The following AGAP1 variants were observed in gnomAD, a reference collection of about 807,000 sequenced individuals.
AGAP1 encodes the protein ArfGAP with GTPase domain, ankyrin repeat and PH domain 1.
In AGAP1, 29 loss-of-function variants were observed where a neutral mutation model predicts 105.3. That is an observed-to-expected ratio of 0.28 (90% confidence interval 0.21 to 0.38). The LOEUF is 0.38. Among genes scored for constraint, AGAP1 ranks in the 10% least tolerant of loss-of-function variants. AGAP1 has a pLI of 1.00. For synonymous variants in AGAP1, 509 were observed against 485.9 expected (o/e 1.05, Z -0.63); for missense variants, 998 against 1,165.1 (o/e 0.86, Z 2.09).
chr2:235,582,081 T>C lies in AGAP1; in HGVS notation c.163+87232T>C, dbSNP rs1275367012. Among the ~76,000 whole-genome samples, 2 of 152,190 alleles carry C rather than the reference T, an allele frequency of 1.3e-5. No homozygotes were observed. Among genetic ancestry groups the C allele is most frequent in the African/African-American group, 2.4e-5 (1 of 41,446 alleles). On this transcript the variant is annotated intron_variant, in intron 1 of 17. Transcript: ENST00000304032. This position sits in a 1 kb window ranked among gnomAD's most constrained non-coding sequence, Gnocchi z 4.7. ...TTCCTTCCATCCAGGGAAGACGTGA[T>C]TGCAGCAGGCAGGAGTTGATAGTGA... is the stretch of plus-strand genomic sequence containing the variant.
intron 16 of AGAP1, among the ~76,000 whole-genome samples, chr2:236,081,964 TG>T (rs1273871035): frequency 6.6e-6 from 1 of 152,168 alleles, no homozygotes; most frequent in Non-Finnish European, 1.5e-5. Context: ...GTTCCATGCA[TG>T]GGAAGTCAAA....
intron 13 of AGAP1, among the ~76,000 whole-genome samples, chr2:235,996,579 G>T (rs1186092556): frequency 6.6e-6 from 1 of 152,192 alleles, no homozygotes; most frequent in Non-Finnish European, 1.5e-5. Flanking sequence ...TGACCTGGCG[G>T]TAGAGCCAGC....
Position 235,801,370 on chromosome 2 carries a change from G to A in AGAP1, c.957+1848G>A, listed in dbSNP as rs1957486629. Among the ~76,000 whole-genome samples the A allele has an allele frequency of 6.6e-6, 1 of 152,178 alleles. No homozygotes were observed. Among genetic ancestry groups the A allele is most frequent in the Admixed American group, 6.5e-5 (1 of 15,284 alleles). On this transcript the variant is annotated intron_variant, in intron 8 of 17. Coordinates refer to ENST00000304032, the MANE Select transcript of AGAP1 (RefSeq NM_001037131.3). The surrounding 1 kb of genome is among the most constrained non-coding windows in gnomAD (Gnocchi z 6.0). ...TCCATGGTTTTCTCACTCCATTGAT[G>A]CTATAAAATGATTTCTGATCGTGTT...
intron 9 of AGAP1, chr2:235,853,233 T>G: frequency 9.9e-7 from 1 of 1,012,194 alleles, no homozygotes; most frequent in Middle Eastern, 4.8e-4. Flanking sequence ...TTTTATAGAC[T>G]GGATGAGAGA....
chr2:235,866,048 T>A lies in AGAP1; in HGVS notation c.1051-17297T>A, dbSNP rs916349013. 1.3e-5 allele frequency among the ~76,000 whole-genome samples: 2 copies of A among 152,246 alleles called. No homozygotes were observed. The highest frequency in any genetic ancestry group is 2.9e-5 in the Non-Finnish European group (2 of 68,044). On this transcript the variant is annotated intron_variant, in intron 9 of 17. Transcript: ENST00000304032. This position sits in a 1 kb window ranked among gnomAD's most constrained non-coding sequence, Gnocchi z 6.1. ...TGCGGTCTGGTCATTTTTGCCACAC[T>A]TGATTTTTTTCTGCTAAACCCTACG...
At chr2:235,606,085 T>TAA (rs1319880685) in intron 1 of AGAP1, among the ~76,000 whole-genome samples, 11 of 152,232 alleles carry the variant, frequency 7.2e-5, no homozygotes, top group African/African-American at 2.7e-4. Flanking sequence ...GAAGAGTTCT[T>TAA]GTAAACAGTG....
At position 236,089,680 on chromosome 2, in the gene AGAP1, G is replaced by A. The variant is rs556523259; in HGVS notation, c.2115-30512G>A. Among the ~76,000 whole-genome samples the A allele has an allele frequency of 2.0e-5, 3 of 152,194 alleles. No individual in the cohort carries two copies. In the East Asian group the frequency reaches 5.8e-4, roughly 29 times the overall value. On this transcript the variant is annotated intron_variant, in intron 16 of 17. Transcript: ENST00000304032. The surrounding 1 kb of genome is among the most constrained non-coding windows in gnomAD (Gnocchi z 5.6). ...TCTGCAAATTTCTGATTCCTGTACA[G>A]TCAGCATTAATATGCTGCTTTTCAG...
chr2:235,583,316 C>G (rs1944994681), intron 1 of AGAP1, among the ~76,000 whole-genome samples: 1 of 150,386 alleles, frequency 6.6e-6, no homozygotes, highest in Non-Finnish European at 1.5e-5. Context: ...TACTCAGCCT[C>G]TCATGTAACT....
At chr2:235,835,388 C>T (rs1471346149) in intron 9 of AGAP1, among the ~76,000 whole-genome samples, 1 of 152,226 alleles carries the variant, frequency 6.6e-6, no homozygotes, top group Non-Finnish European at 1.5e-5. Context: ...GCTGCCACAC[C>T]TGGCAGAGAG....
rs1947735418 is a variant in AGAP1, at chr2:235,655,229, CGTT to C, written c.164-53947_164-53945del. On this transcript the variant is annotated intron_variant, in intron 1 of 17. Coordinates refer to ENST00000304032, the MANE Select transcript of AGAP1 (RefSeq NM_001037131.3). This position sits in a 1 kb window ranked among gnomAD's most constrained non-coding sequence, Gnocchi z 4.3. Reference sequence around the variant, plus strand: ...TACAGAAGCTGGAAGGTAGACAGGTCGTTGTCTCCATTTTTGTTCTTTAAAGCA... The same window carrying C: ...TACAGAAGCTGGAAGGTAGACAGGTCGTCTCCATTTTTGTTCTTTAAAGCA... 6.6e-6 allele frequency among the ~76,000 whole-genome samples: 1 copy of C among 152,108 alleles called. No individual in the cohort carries two copies. Among genetic ancestry groups the C allele is most frequent in the African/African-American group, 2.4e-5 (1 of 41,422 alleles).
chr2:235,575,566 C>T lies in AGAP1; in HGVS notation c.163+80717C>T, dbSNP rs541731103. ...TCAGATACCCGTTTGTCCTGTTGCTCTGCCTCCTCCGTGAGCTGTGCTCAC... is the reference window on the plus strand; with the variant it reads ...TCAGATACCCGTTTGTCCTGTTGCTTTGCCTCCTCCGTGAGCTGTGCTCAC... On this transcript the variant is annotated intron_variant, in intron 1 of 17. Transcript: ENST00000304032. Among the ~76,000 whole-genome samples the T allele has an allele frequency of 1.3e-3, 201 of 150,330 alleles. 1 individual carries two copies. Among genetic ancestry groups the T allele is most frequent in the Non-Finnish European group, 1.4e-3 (98 of 68,034 alleles).
At chr2:236,071,485 T>A (rs1455051227) in intron 16 of AGAP1, among the ~76,000 whole-genome samples, 1 of 152,166 alleles carries the variant, frequency 6.6e-6, no homozygotes, top group Non-Finnish European at 1.5e-5. Flanking sequence ...GAACATTTAT[T>A]TGTTCAACAG....
intron 1 of AGAP1, chr2:235,670,956 G>C: frequency 1.5e-6 from 2 of 1,311,640 alleles, no homozygotes; most frequent in Non-Finnish European, 1.9e-6. Context: ...CCCTCGCCAC[G>C]GAGCGGAGCC....
chr2:235,669,795 C>G (rs928707131), intron 1 of AGAP1: 2 of 148,002 alleles, frequency 1.4e-5, no homozygotes, highest in Non-Finnish European at 3.0e-5. Flanking sequence ...GCGCCGCCGC[C>G]TGCCCTGGGC....
chr2:235,497,975 C>G (rs887624473), intron 1 of AGAP1, among the ~76,000 whole-genome samples: 4 of 152,114 alleles, frequency 2.6e-5, no homozygotes, highest in Non-Finnish European at 5.9e-5. Context: ...TTGGCTGCAC[C>G]CTACTCAAAA....
At chr2:235,603,365 A>G (rs139487254) in intron 1 of AGAP1, among the ~76,000 whole-genome samples, 3 of 152,332 alleles carry the variant, frequency 2.0e-5, no homozygotes, top group African/African-American at 4.8e-5. Flanking sequence ...TATCAGCAGC[A>G]TGAAAAACGA....
At chr2:236,008,744 A>G (rs1003218052) in intron 13 of AGAP1, among the ~76,000 whole-genome samples, 1 of 152,248 alleles carries the variant, frequency 6.6e-6, no homozygotes, top group Non-Finnish European at 1.5e-5. Context: ...ACGCCTTGGC[A>G]GTTTTCACAG....
In AGAP1 at chr2:235,977,609, G is replaced by C. The variant is rs954160446; in HGVS notation, c.1645+8986G>C. On this transcript the variant is annotated intron_variant, in intron 13 of 17. Coordinates refer to ENST00000304032, the MANE Select transcript of AGAP1 (RefSeq NM_001037131.3). This position sits in a 1 kb window ranked among gnomAD's most constrained non-coding sequence, Gnocchi z 5.2. ...ACACATGCGGCCTGGGCTTCAGGAA[G>C]TAGAGATGCCCGGGGGTTATATTTT... Among the ~76,000 whole-genome samples the C allele has an allele frequency of 6.6e-6, 1 of 152,188 alleles. No homozygotes were observed. The highest frequency in any genetic ancestry group is 1.5e-5 in the Non-Finnish European group (1 of 68,042).
At chr2:235,809,980 G>T (rs1319428474) in intron 9 of AGAP1, among the ~76,000 whole-genome samples, 2 of 152,164 alleles carry the variant, frequency 1.3e-5, no homozygotes, top group African/African-American at 4.8e-5. Context: ...GATAGGGAGG[G>T]CCCTATACCA....
Sources: gnomAD v4.1 joint callset for allele counts (sites outside exome capture counted in the v4.1 genomes callset) on GRCh38, gnomAD v4.1.1 for gene constraint, Gnocchi (gnomAD v3.1) non-coding constraint, MANE v1.5 for transcripts, NCBI Gene and HGNC (gene_info 2026-07-23, HGNC 2026-07-21) for gene names.